The following TRIM66 variants were observed in gnomAD, a reference collection of about 807,000 sequenced individuals.
TRIM66 encodes the protein tripartite motif-containing protein 66.
TRIM66 carries 99 observed loss-of-function variants against 148.2 expected under a neutral mutation model. The observed-to-expected ratio is 0.67, with a 90% CI of 0.57 to 0.79. The LOEUF (loss-of-function observed/expected upper bound fraction) is 0.79, where lower values mean the gene tolerates loss of function less well. Among genes scored for constraint, TRIM66 ranks in the 30% least tolerant of loss-of-function variants. The probability of loss-of-function intolerance (pLI) is 0.00; values close to 1 mark genes in which losing one functional copy is unlikely to be tolerated. For synonymous variants in TRIM66, 616 were observed against 635.9 expected, an observed-to-expected ratio of 0.97 and a Z score of 0.47; for missense variants, 1,666 against 1,697.9, an observed-to-expected ratio of 0.98 and a Z score of 0.33.
In TRIM66 at chr11:8,621,765, G is replaced by A. The variant is rs1409604508; in HGVS notation, c.3135C>T (p.Ile1045=). The A allele has an allele frequency of 6.4e-7, 1 of 1,551,318 alleles. No individual in the cohort carries two copies. The highest frequency in any genetic ancestry group is 1.2e-5 in the South Asian group (1 of 84,000). The part of the protein sequence containing the change: ...IPYVRLERLK[I]CAASSGEMPV... ...GCATCTCTCCTGAGGAGGCAGCACA[G>A]ATCTTGAGTCGCTCCAGTCGCACAT... Residue 1045 remains isoleucine (I), a synonymous_variant, in exon 19 of 25, where the codon ATC becomes ATT. Transcript: ENST00000646038.
At position 8,682,608 on chromosome 11, in the gene TRIM66, G is replaced by T. The variant is rs961224711; in HGVS notation, c.-555C>A. On this transcript the variant is annotated 5_prime_UTR_variant, in exon 1 of 25. Coordinates refer to ENST00000646038, the MANE Select transcript of TRIM66 (RefSeq NM_001388022.1). ...TAGCACAACGAGCCTCACCGAAACC[G>T]TACACCGCCACCAGGACACTCCGTG... 3.2e-6 allele frequency: 2 copies of T among 625,872 alleles called. No individual in the cohort carries two copies. Among genetic ancestry groups the T allele is most frequent in the Non-Finnish European group, 5.7e-6 (2 of 349,592 alleles). The allele number at this position is 625,872 out of a possible 1,614,324, so 38.8% of individuals were successfully genotyped here.
intron 6 of TRIM66, among the ~76,000 whole-genome samples, chr11:8,663,526 G>GCT (rs1332850383): frequency 1.3e-5 from 2 of 151,654 alleles, no homozygotes; most frequent in African/African-American, 2.4e-5. Flanking sequence ...CTACTGTCTC[G>GCT]CTCTCTCTCT....
At position 8,643,071 on chromosome 11, in the gene TRIM66, G is replaced by A. The variant is rs1333974990; in HGVS notation, c.1160C>T (p.Ser387Phe). The A allele has an allele frequency of 1.3e-6, 2 of 1,551,198 alleles. No individual in the cohort carries two copies. Among genetic ancestry groups the A allele is most frequent in the African/African-American group, 1.4e-5 (1 of 73,002 alleles). ...CCAGGTGAATCTGATACTCCAAGGG[G>A]AGCCAGGATCTGTGTTACAACTTGT... is the stretch of plus-strand genomic sequence containing the variant. ...LETSCNTDPG[S>F]PWSIRFTWEP... Residue 387 changes from serine to phenylalanine, a missense_variant, in exon 13 of 25, where the codon TCC (serine) becomes TTC (phenylalanine). Physicochemically the swap from Ser to Phe is radical, Grantham distance 155 (BLOSUM62 -2). Coordinates refer to ENST00000646038, the MANE Select transcript of TRIM66 (RefSeq NM_001388022.1).
intron 18 of TRIM66, among the ~76,000 whole-genome samples, chr11:8,622,342 ACACAC>A (rs2034329831): frequency 2.5e-5 from 1 of 40,366 alleles, no homozygotes; most frequent in African/African-American, 8.5e-5. Flanking sequence ...CACACACAAC[ACACAC>A]ACACACACAC....
chr11:8,668,182 A>AT (rs1463541884), intron 6 of TRIM66, among the ~76,000 whole-genome samples: 2 of 151,618 alleles, frequency 1.3e-5, no homozygotes, highest in African/African-American at 4.8e-5. Context: ...GATGTTGAGC[A>AT]TTTTTTCTTG....
intron 10 of TRIM66, among the ~76,000 whole-genome samples, chr11:8,647,332 A>G (rs1396765787): frequency 6.6e-6 from 1 of 152,204 alleles, no homozygotes; most frequent in Admixed American, 6.5e-5. Flanking sequence ...CCACAGACCT[A>G]CCATCTAAAC....
At chr11:8,657,877 T>C (rs1470763501) in intron 6 of TRIM66, among the ~76,000 whole-genome samples, 1 of 152,232 alleles carries the variant, frequency 6.6e-6, no homozygotes, top group Non-Finnish European at 1.5e-5. Flanking sequence ...CTGCTGCTTC[T>C]GCCCCAGCTG....
At position 8,640,736 on chromosome 11, in the gene TRIM66, GC is replaced by G. The variant is rs1565516330; in HGVS notation, c.1638del (p.Leu547TrpfsTer5). 10 of 1,551,536 alleles carry G rather than the reference GC, an allele frequency of 6.4e-6. No homozygotes were observed. In the South Asian group the frequency reaches 1.2e-4, roughly 18 times the overall value. On this transcript the variant is annotated frameshift_variant, in exon 14 of 25. Transcript: ENST00000646038. LOFTEE classifies it high-confidence loss of function. ...PPVEQESTSQ[R>X]LGQQLTSQPV... ...GGCTGGGAAGTCAGCTGCTGCCCCAGCCGCTGGGATGTGCTCTCCTGCTCCA... is the reference window on the plus strand; with the variant it reads ...GGCTGGGAAGTCAGCTGCTGCCCCAGCGCTGGGATGTGCTCTCCTGCTCCA...
chr11:8,622,940 A>G, intron 17 of TRIM66, 64 bp from the exon 18 acceptor site: 1 of 1,370,480 alleles, frequency 7.3e-7, no homozygotes, highest in Non-Finnish European at 1.0e-6. Flanking sequence ...CGTCATGCAT[A>G]TCTTCTACTT....
chr11:8,658,787 G>A (rs530467798), intron 6 of TRIM66: 102 of 985,194 alleles, frequency 1.0e-4, no homozygotes, highest in Admixed American at 1.2e-4. Flanking sequence ...CCATGCCCCC[G>A]GCACTGAAGG....
Position 8,621,041 on chromosome 11 carries a change from C to G in TRIM66, c.3536G>C (p.Ser1179Thr). ...GACTGGCATGACTCACCCTGGGAAG[C>G]TGAGCAAGGCTGGCACATGGCAGGA... ...HLSCHVPALL[S>T]FPGGEWVCTL... The change falls in exon 20 of 25, where the codon AGC (serine) becomes ACC (threonine). Residue 1179 changes from serine (S) to threonine (T), a missense_variant. Ser to Thr is a moderately conservative substitution (Grantham distance 58). Transcript: ENST00000646038. 6.4e-7 allele frequency: 1 copy of G among 1,551,392 alleles called. No individual in the cohort carries two copies. The highest frequency in any genetic ancestry group is 8.7e-7 in the Non-Finnish European group (1 of 1,146,796).
intron 21 of TRIM66, 47 bp downstream of exon 21, chr11:8,620,399 G>A: frequency 6.5e-7 from 1 of 1,549,084 alleles, no homozygotes; most frequent in Non-Finnish European, 8.7e-7. Flanking sequence ...TAGGCAGAAG[G>A]GGGCTGCCAA....
In TRIM66 at chr11:8,624,941, G is replaced by C; in HGVS notation, c.2598C>G (p.Ser866=). The C allele has an allele frequency of 6.4e-7, 1 of 1,551,688 alleles. No individual in the cohort carries two copies. Among genetic ancestry groups the C allele is most frequent in the Non-Finnish European group, 8.7e-7 (1 of 1,146,978 alleles). Residue 866 remains serine, a synonymous_variant, in exon 16 of 25, where the codon TCC becomes TCG. Coordinates refer to ENST00000646038, the MANE Select transcript of TRIM66 (RefSeq NM_001388022.1). Reference sequence around the variant, plus strand: ...TTGCCAGGCTTGCCATAGCCTGAGGGGAGTCACTTATCAGGTTGGGCATGG... The same window carrying C: ...TTGCCAGGCTTGCCATAGCCTGAGGCGAGTCACTTATCAGGTTGGGCATGG... The part of the protein sequence containing the change: ...FQSMPNLISD[S]PQAMASLASD...
rs761254774 is a variant in TRIM66, at chr11:8,645,826, T to G, written c.1019A>C (p.Asn340Thr). The G allele has an allele frequency of 6.9e-5, 107 of 1,551,588 alleles. No homozygotes were observed. The highest frequency in any genetic ancestry group is 8.9e-5 in the Non-Finnish European group (102 of 1,147,000). ...ATTCTGCACATGCTCAAACTGACGG[T>G]TGAGAACCATGATGCTCTGTAACTG... ...EQQLQSIMVLNRQFEHVQNFI... is the reference protein window; with the variant it reads ...EQQLQSIMVLTRQFEHVQNFI... Residue 340 changes from asparagine to threonine, a missense_variant, in exon 12 of 25, where the codon AAC becomes ACC. Around this residue, in one of 3 missense-constraint regions of TRIM66, gnomAD observed 1,431 missense variants for 1,412.4 expected, o/e 1.01. Coordinates refer to ENST00000646038, the MANE Select transcript of TRIM66 (RefSeq NM_001388022.1).
At chr11:8,644,264 G>C in intron 12 of TRIM66, 1 of 348,822 alleles carries the variant, frequency 2.9e-6, no homozygotes, top group Non-Finnish European at 5.6e-6. Context: ...CCAAAGCCAT[G>C]TTATCTGGGG....
At chr11:8,648,654 A>T in intron 8 of TRIM66, 106 bp from the exon 9 acceptor site, 1 of 1,348,612 alleles carries the variant, frequency 7.4e-7, no homozygotes. Context: ...CTGCAGAAAT[A>T]CAGAGCTCGG....
At chr11:8,652,002 G>A (rs2037400289) in intron 6 of TRIM66, 99 bp from the exon 7 acceptor site, 2 of 931,788 alleles carry the variant, frequency 2.1e-6, no homozygotes, top group Admixed American at 2.6e-5. Flanking sequence ...AAGATACATG[G>A]CAATACCCAT....
In TRIM66 at chr11:8,640,663, T is replaced by G. The variant is rs1458042803; in HGVS notation, c.1712A>C (p.Gln571Pro). Residue 571 changes from glutamine to proline, a missense_variant, in exon 14 of 25, where the codon CAG becomes CCG. By Grantham distance (76) the Gln-to-Pro change is moderately conservative. Around this residue, in one of 3 missense-constraint regions of TRIM66, gnomAD observed 1,431 missense variants for 1,412.4 expected, o/e 1.01. Transcript: ENST00000646038. ...GATAGAGGGTGTCTGTAAGGTGGGC[T>G]GGGCATGGGCTCCTTGCTGAACATC... ...PQDVQQGAHA[Q>P]PTLQTPSIQV... is the part of the protein sequence containing the mutation. 4 of 1,551,574 alleles carry G rather than the reference T, an allele frequency of 2.6e-6. No homozygotes were observed. The Admixed American group carries it at 7.8e-5, about 30-fold the overall frequency.
At position 8,649,722 on chromosome 11, in the gene TRIM66, G is replaced by A. The variant is rs779220277; in HGVS notation, c.592+18C>T. 337 of 1,550,540 alleles carry A rather than the reference G, an allele frequency of 2.2e-4. No homozygotes were observed. The highest frequency in any genetic ancestry group is 2.2e-4 in the Non-Finnish European group (252 of 1,146,838). The stretch of plus-strand genomic sequence containing the variant: ...GCTTTAGGGCATGGGAGTGGGCAGG[G>A]AGAGGTGGGATTGGTACCTGGAGAT... On this transcript the variant is annotated intron_variant, in intron 8 of 24. Coordinates refer to ENST00000646038, the MANE Select transcript of TRIM66 (RefSeq NM_001388022.1).
Sources: gnomAD v4.1 joint callset for allele counts (sites outside exome capture counted in the v4.1 genomes callset) on GRCh38, gnomAD v4.1.1 for gene constraint, gnomAD v4.1.1 regional missense constraint, MANE v1.5 for transcripts, NCBI Gene and HGNC (gene_info 2026-07-23, HGNC 2026-07-21) for gene names.